The following FAM151B variants were observed in gnomAD, a reference collection of about 807,000 sequenced individuals.
FAM151B encodes protein FAM151B.
FAM151B carries 24 observed loss-of-function variants against 31.2 expected under a neutral mutation model. The observed-to-expected ratio is 0.77, with a 90% CI of 0.56 to 1.08. FAM151B has a LOEUF of 1.08. Among genes scored for constraint, FAM151B ranks in the 50% least tolerant of loss-of-function variants. FAM151B has a pLI of 0.00. For missense variants in FAM151B, 293 were observed against 328.6 expected (o/e 0.89, Z 0.84); for synonymous variants, 105 against 111.4 (o/e 0.94, Z 0.36).
intron 5 of FAM151B, among the ~76,000 whole-genome samples, chr5:80,533,377 A>C (rs1336701470): frequency 6.6e-6 from 1 of 151,978 alleles, no homozygotes; most frequent in African/African-American, 2.4e-5. Flanking sequence ...ACTCCATCTC[A>C]AAAAACAAAA....
chr5:80,508,829 A>G (rs1744080039), intron 2 of FAM151B, among the ~76,000 whole-genome samples: 1 of 152,176 alleles, frequency 6.6e-6, no homozygotes, highest in Non-Finnish European at 1.5e-5. Context: ...AAGATTCCAT[A>G]TCTAGCTATG....
At chr5:80,492,095 T>A (rs1174723330) in intron 1 of FAM151B, among the ~76,000 whole-genome samples, 1 of 152,142 alleles carries the variant, frequency 6.6e-6, no homozygotes, top group East Asian at 1.9e-4. Context: ...CGTATGATAT[T>A]GTAGTGGTGG....
intron 3 of FAM151B, among the ~76,000 whole-genome samples, chr5:80,517,229 A>C (rs1187933301): frequency 1.3e-5 from 2 of 152,090 alleles, no homozygotes; most frequent in African/African-American, 4.8e-5. Flanking sequence ...TTATGTTGCT[A>C]ATCTCTTACT....
chr5:80,539,743 C>T (rs562621124), intron 5 of FAM151B, among the ~76,000 whole-genome samples: 63 of 150,790 alleles, frequency 4.2e-4, no homozygotes, highest in Non-Finnish European at 8.5e-4. Flanking sequence ...CGGCCTGCCT[C>T]GGCCTCCCCA....
chr5:80,516,781 G>A (rs1028543613), intron 3 of FAM151B, among the ~76,000 whole-genome samples: 1 of 152,202 alleles, frequency 6.6e-6, no homozygotes, highest in African/African-American at 2.4e-5. Flanking sequence ...TTAGAAGGAT[G>A]TGTCATTTTA....
At chr5:80,494,795 T>G (rs1025917863) in intron 1 of FAM151B, among the ~76,000 whole-genome samples, 1 of 152,150 alleles carries the variant, frequency 6.6e-6, no homozygotes, top group African/African-American at 2.4e-5. Context: ...ACTACAAGCA[T>G]GAGCCACTGT....
chr5:80,517,837 C>G (rs568382411), intron 3 of FAM151B, among the ~76,000 whole-genome samples: 1 of 151,898 alleles, frequency 6.6e-6, no homozygotes, highest in Non-Finnish European at 1.5e-5. Flanking sequence ...TTTGGGAGGC[C>G]GAGGCAGGTG....
At position 80,488,165 on chromosome 5, in the gene FAM151B, C is replaced by T. The variant is rs762466767; in HGVS notation, c.25+17C>T. The stretch of plus-strand genomic sequence containing the variant: ...GAGGCCCAGGTAAGCGCCGAGCGCG[C>T]GGCCTCTGCCTGGAGGTGGGGCGCT... On this transcript the variant is annotated intron_variant, in intron 1 of 5. Transcript: ENST00000282226. The T allele has an allele frequency of 1.6e-4, 247 of 1,540,190 alleles. No homozygotes were observed. Among genetic ancestry groups the T allele is most frequent in the Non-Finnish European group, 2.1e-4 (241 of 1,145,000 alleles).
intron 1 of FAM151B, chr5:80,500,621 G>A (rs764831328): frequency 4.7e-5 from 36 of 760,944 alleles, no homozygotes; most frequent in Non-Finnish European, 7.7e-5. Flanking sequence ...GATCAGAGGT[G>A]TCAGTGGTGT....
chr5:80,513,733 T>C lies in FAM151B; in HGVS notation c.281T>C (p.Met94Thr), dbSNP rs995073056. 1 of 1,612,822 alleles carries C rather than the reference T, an allele frequency of 6.2e-7. No individual in the cohort carries two copies. Among genetic ancestry groups the C allele is most frequent in the African/African-American group, 1.3e-5 (1 of 74,986 alleles). ...NTLQEWLTEV[M>T]KSNKGIKLDF... ...CTACAGGAGTGGCTGACTGAAGTTA[T>C]GAAAAGCAATAAAGGCATCAAGCTG... is the stretch of plus-strand genomic sequence containing the variant. The change falls in exon 3 of 6, where the codon ATG becomes ACG. Residue 94 changes from methionine (M) to threonine (T), a missense_variant. Met to Thr is a moderately conservative substitution (Grantham distance 81). Coordinates refer to ENST00000282226, the MANE Select transcript of FAM151B (RefSeq NM_205548.3).
At chr5:80,531,558 C>G (rs149662257) in intron 5 of FAM151B, among the ~76,000 whole-genome samples, 18,860 of 152,166 alleles carry the variant, frequency 0.12, 1,429 homozygotes, top group Middle Eastern at 0.24. Context: ...TCAAACAACC[C>G]CATCAAAAAG....
At chr5:80,523,955 AC>A (rs1744836302) in intron 5 of FAM151B, among the ~76,000 whole-genome samples, 1 of 152,116 alleles carries the variant, frequency 6.6e-6, no homozygotes, top group Non-Finnish European at 1.5e-5. Flanking sequence ...TTTTGCAAAC[AC>A]ATCATTTATT....
rs1359632092 is a variant in FAM151B at position 80,499,553 on chromosome 5, A to C, written c.26-2239A>C. On this transcript the variant is annotated intron_variant, in intron 1 of 5. Transcript: ENST00000282226. ...GTGTAAAACTTAGAATTTTAAATAT[A>C]GCTTTGGCTTTACATCAGTTTTCCT... is the stretch of plus-strand genomic sequence containing the variant. 1.3e-5 allele frequency among the ~76,000 whole-genome samples: 2 copies of C among 152,106 alleles called. 1 individual carries two copies. The highest frequency in any genetic ancestry group is 2.9e-5 in the Non-Finnish European group (2 of 68,022).
rs149628931 is a variant in FAM151B, at chr5:80,517,393, AT to A, written c.318-2296del. Among the ~76,000 whole-genome samples, 942 of 152,266 alleles carry A rather than the reference AT, an allele frequency of 6.2e-3. 9 individuals carry two copies. Among genetic ancestry groups the A allele is most frequent in the African/African-American group, 0.022 (912 of 41,550 alleles). ...GATAAGGTGGACTACTGTAGATTTT[AT>A]TTTGTTGTTTAGGAAAGTTTGTTCT... is the stretch of plus-strand genomic sequence containing the variant. On this transcript the variant is annotated intron_variant, in intron 3 of 5. Transcript: ENST00000282226.
intron 2 of FAM151B, among the ~76,000 whole-genome samples, chr5:80,504,748 G>A (rs924804732): frequency 6.6e-6 from 1 of 152,032 alleles, no homozygotes; most frequent in Non-Finnish European, 1.5e-5. Flanking sequence ...TCCATCTCCT[G>A]ATCTCCTGAT....
intron 1 of FAM151B, among the ~76,000 whole-genome samples, chr5:80,488,826 C>A (rs1421098553): frequency 6.6e-6 from 1 of 152,034 alleles, no homozygotes; most frequent in Non-Finnish European, 1.5e-5. Context: ...AATCGATGCA[C>A]AGTTTACAGA....
intron 3 of FAM151B, among the ~76,000 whole-genome samples, chr5:80,517,772 T>G (rs990335643): frequency 6.6e-6 from 1 of 152,158 alleles, no homozygotes; most frequent in African/African-American, 2.4e-5. Context: ...GAGAATACGC[T>G]GTTTGAAACT....
intron 5 of FAM151B, among the ~76,000 whole-genome samples, chr5:80,536,135 C>T (rs191105024): frequency 5.7e-4 from 87 of 151,464 alleles, no homozygotes; most frequent in Non-Finnish European, 8.5e-4. Context: ...GCTGTTGGTA[C>T]GAGGGTTTTA....
chr5:80,500,954 G>T lies in FAM151B; in HGVS notation c.26-838G>T, dbSNP rs559123877. 2.0e-5 allele frequency: 14 copies of T among 710,612 alleles called. No individual in the cohort carries two copies. In the East Asian group the frequency reaches 3.5e-4, roughly 18 times the overall value. 44.0% of individuals were successfully genotyped at this position (710,612 alleles called of 1,614,324 possible). ...TTCAAAGAAGCAAATAACTTGCTGT[G>T]GCCCTTCAAATTATCTTCGCCATGA... On this transcript the variant is annotated intron_variant, in intron 1 of 5. Coordinates refer to ENST00000282226, the MANE Select transcript of FAM151B (RefSeq NM_205548.3).
Sources: allele counts gnomAD v4.1 joint callset (sites outside exome capture counted in the v4.1 genomes callset), GRCh38; gene constraint gnomAD v4.1.1; transcripts MANE v1.5; gene names NCBI Gene and HGNC (gene_info 2026-07-23, HGNC 2026-07-21).